The following PHACTR1 variants were observed in gnomAD, a reference collection of about 807,000 sequenced individuals.
PHACTR1 encodes the protein phosphatase and actin regulator 1, also known as RPEL repeat containing 1.
PHACTR1 carries 16 observed loss-of-function variants against 69.2 expected under a neutral mutation model. The observed-to-expected ratio is 0.23, with a 90% confidence interval of 0.16 to 0.35. PHACTR1 has a LOEUF of 0.35. Among genes scored for constraint, PHACTR1 ranks in the 10% least tolerant of loss-of-function variants. The pLI, the probability that PHACTR1 is intolerant of heterozygous loss-of-function variation, is 1.00. For synonymous variants in PHACTR1, 312 were observed against 284.5 expected (o/e 1.10, Z -0.97); for missense variants, 510 against 734.7 (o/e 0.69, Z 3.54).
chr6:12,934,111 C>T, intron 4 of PHACTR1: 1 of 846,080 alleles, frequency 1.2e-6, no homozygotes. Flanking sequence ...TTGTGTCTTC[C>T]AGCTTCTGGC....
At chr6:13,186,399 GT>G (rs1762833136) in intron 7 of PHACTR1, among the ~76,000 whole-genome samples, 2 of 152,278 alleles carry the variant, frequency 1.3e-5, no homozygotes, top group South Asian at 4.1e-4. Context: ...ATGGATCAGG[GT>G]TTACTTGACT....
chr6:13,079,496 T>C (rs991353292), intron 5 of PHACTR1, among the ~76,000 whole-genome samples: 3 of 152,148 alleles, frequency 2.0e-5, no homozygotes, highest in Admixed American at 2.0e-4. Context: ...AAATGAGCTT[T>C]TCTGAGCTTC....
intron 4 of PHACTR1, among the ~76,000 whole-genome samples, chr6:12,976,553 A>G (rs1001995454): frequency 1.3e-5 from 2 of 152,246 alleles, no homozygotes; most frequent in Non-Finnish European, 2.9e-5. Context: ...CTTATCAGCA[A>G]TTTTACTTTC....
chr6:12,781,315 TGC>T (rs1770790897), intron 4 of PHACTR1, among the ~76,000 whole-genome samples: 1 of 152,164 alleles, frequency 6.6e-6, no homozygotes, highest in South Asian at 2.1e-4. Flanking sequence ...AGACAACTTG[TGC>T]ACCTGCTGTC....
intron 4 of PHACTR1, among the ~76,000 whole-genome samples, chr6:12,912,649 G>A (rs1171337297): frequency 6.6e-6 from 1 of 152,158 alleles, no homozygotes; most frequent in African/African-American, 2.4e-5. Flanking sequence ...AAGAAATGAA[G>A]GTTCTAAAAA....
At chr6:12,954,413 A>G (rs991278072) in intron 4 of PHACTR1, among the ~76,000 whole-genome samples, 1 of 151,906 alleles carries the variant, frequency 6.6e-6, no homozygotes, top group African/African-American at 2.4e-5. Flanking sequence ...TCAAGTGGTC[A>G]GAAAGTGGAG....
At chr6:13,151,370 C>T (rs1263774666) in intron 5 of PHACTR1, among the ~76,000 whole-genome samples, 1 of 152,184 alleles carries the variant, frequency 6.6e-6, no homozygotes, top group Non-Finnish European at 1.5e-5. Flanking sequence ...TTTACTTCAT[C>T]AATACTTAAA....
Position 13,221,878 on chromosome 6 carries a change from A to C in PHACTR1, c.987-5938A>C, listed in dbSNP as rs974694353. 7.9e-5 allele frequency among the ~76,000 whole-genome samples: 12 copies of C among 152,296 alleles called. No homozygotes were observed. The South Asian group carries it at 1.5e-3, about 18-fold the overall frequency. ...TGGTGAAACCCTGCCTCTACTAAAA[A>C]TATAATAATTAGCCAGGTGTGGTGG... On this transcript the variant is annotated intron_variant, in intron 8 of 14. Coordinates refer to ENST00000332995, the MANE Select transcript of PHACTR1 (RefSeq NM_030948.6).
chr6:13,102,765 C>T (rs2127866082), intron 5 of PHACTR1, among the ~76,000 whole-genome samples: 1 of 152,280 alleles, frequency 6.6e-6, no homozygotes, highest in South Asian at 2.1e-4. Context: ...TTTTGAAAAG[C>T]TCACAAAACA....
At chr6:13,105,457 A>G (rs1297189028) in intron 5 of PHACTR1, among the ~76,000 whole-genome samples, 1 of 152,098 alleles carries the variant, frequency 6.6e-6, no homozygotes, top group African/African-American at 2.4e-5. Context: ...CCCCAGTTCC[A>G]AAAAGGTTTT....
intron 10 of PHACTR1, among the ~76,000 whole-genome samples, chr6:13,249,296 CT>C (rs1251717832): frequency 2.0e-5 from 3 of 151,998 alleles, no homozygotes; most frequent in Admixed American, 2.0e-4. Context: ...TTTCACGTTC[CT>C]TATGAGACTC....
chr6:13,239,495 C>T (rs1307502249), intron 10 of PHACTR1, among the ~76,000 whole-genome samples: 1 of 151,994 alleles, frequency 6.6e-6, no homozygotes, highest in Non-Finnish European at 1.5e-5. Context: ...TTAAAGAAAC[C>T]ACATGTTCGC....
intron 7 of PHACTR1, among the ~76,000 whole-genome samples, chr6:13,182,991 ATC>A: frequency 6.6e-6 from 1 of 152,270 alleles, no homozygotes; most frequent in Admixed American, 6.5e-5. Context: ...TTTAACATTC[ATC>A]TCTGTTAAGA....
chr6:13,218,901 G>GAGAAA (rs1768160178), intron 8 of PHACTR1, among the ~76,000 whole-genome samples: 1 of 50,952 alleles, frequency 2.0e-5, no homozygotes, highest in Non-Finnish European at 4.9e-5. Flanking sequence ...GAGAAGAGAA[G>GAGAAA]AGAAGAGAAG....
chr6:13,007,902 GCAATC>G (rs2127638470), intron 4 of PHACTR1, among the ~76,000 whole-genome samples: 1 of 152,116 alleles, frequency 6.6e-6, no homozygotes, highest in South Asian at 2.1e-4. Context: ...TTTTCACAGA[GCAATC>G]CCCTTAGTAA....
At chr6:12,869,593 G>C (rs1781819100) in intron 4 of PHACTR1, among the ~76,000 whole-genome samples, 1 of 152,010 alleles carries the variant, frequency 6.6e-6, no homozygotes, top group Non-Finnish European at 1.5e-5. Flanking sequence ...AACTAAACTG[G>C]GCTCTTCACT....
intron 5 of PHACTR1, among the ~76,000 whole-genome samples, chr6:13,119,551 GGGGAAGA>G (rs1818383918): frequency 6.6e-6 from 1 of 152,118 alleles, no homozygotes; most frequent in Non-Finnish European, 1.5e-5. Context: ...ATAGATGCTG[GGGGAAGA>G]GGCCCCCAGA....
chr6:13,168,464 A>G (rs183346659), intron 6 of PHACTR1, among the ~76,000 whole-genome samples: 2 of 152,300 alleles, frequency 1.3e-5, no homozygotes, highest in East Asian at 1.9e-4. Context: ...CATTCATTAT[A>G]TGTCTGTGAG....
chr6:12,846,405 T>C (rs1561939865), intron 4 of PHACTR1, among the ~76,000 whole-genome samples: 1 of 152,194 alleles, frequency 6.6e-6, no homozygotes. Flanking sequence ...AGTTTTAAGG[T>C]CTCTGTGTTC....
Sources: gnomAD v4.1 joint callset for allele counts (sites outside exome capture counted in the v4.1 genomes callset) on GRCh38, gnomAD v4.1.1 for gene constraint, MANE v1.5 for transcripts, NCBI Gene and HGNC (gene_info 2026-07-23, HGNC 2026-07-21) for gene names.